The following QTRT2 variants were observed in gnomAD, a reference collection of about 807,000 sequenced individuals.
The protein encoded by QTRT2 is queuine tRNA-ribosyltransferase accessory subunit 2.
In QTRT2, 32 loss-of-function variants were observed where a neutral mutation model predicts 44.8. The observed-to-expected ratio is 0.71, with a 90% CI of 0.54 to 0.96. The LOEUF is 0.96. Among genes scored for constraint, QTRT2 ranks in the 40% least tolerant of loss-of-function variants. The pLI is 0.00. For synonymous variants in QTRT2, 182 were observed against 187.4 expected, an observed-to-expected ratio of 0.97 and a Z score of 0.24; for missense variants, 461 against 503.1, an observed-to-expected ratio of 0.92 and a Z score of 0.80.
chr3:114,066,847 G>A (rs2076960458), intron 4 of QTRT2, among the ~76,000 whole-genome samples: 1 of 152,204 alleles, frequency 6.6e-6, no homozygotes, highest in South Asian at 2.1e-4. Flanking sequence ...GTCTCATCAT[G>A]CTTGAACCTC....
intron 8 of QTRT2, among the ~76,000 whole-genome samples, chr3:114,080,693 C>G (rs780047462): frequency 2.0e-5 from 3 of 152,234 alleles, no homozygotes; most frequent in Non-Finnish European, 4.4e-5. Flanking sequence ...AGGAGAGTGT[C>G]GCCTGCCCAG....
intron 9 of QTRT2, among the ~76,000 whole-genome samples, chr3:114,084,885 T>G (rs939236431): frequency 7.2e-4 from 110 of 152,168 alleles, no homozygotes; most frequent in Non-Finnish European, 1.6e-4. Context: ...TCTCCAAGAA[T>G]GAATGTGAAG....
intron 9 of QTRT2, chr3:114,083,025 C>CG: frequency 2.0e-6 from 1 of 491,500 alleles, no homozygotes; most frequent in Non-Finnish European, 3.8e-6. Flanking sequence ...TTTAGAAAAG[C>CG]TGACAGAAAG....
In QTRT2 at chr3:114,076,881, C is replaced by T. The variant is rs769610398; in HGVS notation, c.685C>T (p.Leu229=). ...LDGFQGNPTT[L]EARLRLLSSV... ...TGGTTTTCAAGGAAATCCAACAACC[C>T]TGGAGGCTAGACTACGCTTGCTGTC... Residue 229 remains leucine, a synonymous_variant, in exon 7 of 10, where the codon CTG becomes TTG. Transcript: ENST00000281273. 1.3e-5 allele frequency: 21 copies of T among 1,614,084 alleles called. 1 individual carries two copies. Among genetic ancestry groups the T allele is most frequent in the South Asian group, 6.6e-5 (6 of 91,094 alleles).
intron 2 of QTRT2, among the ~76,000 whole-genome samples, chr3:114,064,538 T>G (rs549987890): frequency 1.3e-5 from 2 of 152,356 alleles, no homozygotes; most frequent in Admixed American, 1.3e-4. Flanking sequence ...CTATAGAAGT[T>G]AGAAAGTGTA....
At position 114,086,042 on chromosome 3, in the gene QTRT2, T is replaced by A; in HGVS notation, c.*138T>A. ...GGTCTGCTTAAATAAAGAATCTTTG[T>A]ACCAAACTGCCCACATGAGGGTGAA... On this transcript the variant is annotated 3_prime_UTR_variant, in exon 10 of 10. Coordinates refer to ENST00000281273, the MANE Select transcript of QTRT2 (RefSeq NM_024638.4). The A allele has an allele frequency of 1.4e-6, 1 of 705,352 alleles. No individual in the cohort carries two copies. The highest frequency in any genetic ancestry group is 2.4e-6 in the Non-Finnish European group (1 of 422,514). 43.7% of individuals were successfully genotyped at this position (705,352 alleles called of 1,614,324 possible).
rs754811791 is a variant in QTRT2, at chr3:114,070,754, A to G, written c.462A>G (p.Ala154=). Residue 154 remains alanine (A), a synonymous_variant, in exon 6 of 10, where the codon GCA becomes GCG. Coordinates refer to ENST00000281273, the MANE Select transcript of QTRT2 (RefSeq NM_024638.4). ...ATGGAGAAGTATCTTGTAAGGAAGCAACTTCCATAAAAAGGGTCAGAAAGT... is the reference window on the plus strand; with the variant it reads ...ATGGAGAAGTATCTTGTAAGGAAGCGACTTCCATAAAAAGGGTCAGAAAGT... ...LSDGEVSCKE[A]TSIKRVRKSV... is the part of the protein sequence containing the mutation. 1 of 1,613,916 alleles carries G rather than the reference A, an allele frequency of 6.2e-7. No homozygotes were observed. The highest frequency in any genetic ancestry group is 2.2e-5 in the East Asian group (1 of 44,870).
At chr3:114,058,112 C>A (rs6438181) in intron 2 of QTRT2, among the ~76,000 whole-genome samples, 77,152 of 152,000 alleles carry the variant, frequency 0.51, 19,703 homozygotes, top group Middle Eastern at 0.6. Context: ...TGCATTTGAT[C>A]TGAGGATTAA....
intron 2 of QTRT2, 64 bp from the exon 3 acceptor site, chr3:114,065,173 G>A: frequency 1.1e-6 from 1 of 922,628 alleles, no homozygotes; most frequent in Non-Finnish European, 1.6e-6. Context: ...TTTTTTTTTT[G>A]CAAAATGCTT....
Position 114,065,397 on chromosome 3 carries a change from A to G in QTRT2, c.140A>G (p.His47Arg), listed in dbSNP as rs1293078619. Residue 47 changes from histidine (H) to arginine (R), a missense_variant, in exon 3 of 10, where the codon CAT becomes CGT. His to Arg is a conservative substitution (Grantham distance 29, BLOSUM62 0). Coordinates refer to ENST00000281273, the MANE Select transcript of QTRT2 (RefSeq NM_024638.4). ...TKTGSAPHLT[H>R]HTLHNIHGVP... ...ACTGGCTCCGCCCCACACCTCACCC[A>G]TCACACGCTGCATAATATCCACGGG... 5.0e-6 allele frequency: 8 copies of G among 1,614,126 alleles called. No individual in the cohort carries two copies. Among genetic ancestry groups the G allele is most frequent in the African/African-American group, 2.7e-5 (2 of 75,044 alleles).
chr3:114,077,138 A>C (rs1293166593), intron 7 of QTRT2, 196 bp downstream of exon 7: 2 of 590,162 alleles, frequency 3.4e-6, no homozygotes, highest in Admixed American at 3.0e-5. Flanking sequence ...CCTTGATTTC[A>C]GAATGTAGAG....
chr3:114,062,006 T>G (rs1188894985), intron 2 of QTRT2, among the ~76,000 whole-genome samples: 1 of 126,420 alleles, frequency 7.9e-6, no homozygotes, highest in Non-Finnish European at 1.7e-5. Context: ...TGCTGCAGGA[T>G]ATTCTAAAAA....
chr3:114,081,926 C>T (rs138133690), intron 8 of QTRT2, among the ~76,000 whole-genome samples: 21 of 152,292 alleles, frequency 1.4e-4, no homozygotes, highest in African/African-American at 5.1e-4. Context: ...CAAAATACCC[C>T]TTAACTACTT....
At chr3:114,066,048 G>A (rs764151042) in intron 3 of QTRT2, among the ~76,000 whole-genome samples, 180 bp from the exon 4 acceptor site, 31 of 152,278 alleles carry the variant, frequency 2.0e-4, no homozygotes, top group Admixed American at 1.6e-3. Flanking sequence ...CAAGTTGAAG[G>A]CCTTCGTTCT....
chr3:114,057,633 C>T (rs1159737504), intron 2 of QTRT2: 1 of 152,070 alleles, frequency 6.6e-6, no homozygotes, highest in Admixed American at 6.6e-5. Context: ...TGCAGTACCA[C>T]GAAGTAGTTT....
In QTRT2 at chr3:114,065,264, C is replaced by T. The variant is rs1401891372; in HGVS notation, c.7C>T (p.Leu3=). The change falls in exon 3 of 10, where the codon CTG becomes TTG. Residue 3 remains leucine, a synonymous_variant. Transcript: ENST00000281273. The part of the protein sequence containing the change: MK[L]SLTKVVNGCR... ...CCTAGAAGAATCCCTTAGGATGAAG[C>T]TGAGTCTTACCAAGGTAGTTAATGG... is the stretch of plus-strand genomic sequence containing the variant. 1.2e-6 allele frequency: 2 copies of T among 1,613,850 alleles called. No individual in the cohort carries two copies. The highest frequency in any genetic ancestry group is 3.3e-5 in the Admixed American group (2 of 59,992).
rs148283346 is a variant in QTRT2 at position 114,082,588 on chromosome 3, A to G, written c.899-89A>G. ...CAGGAGTGAAATTACAGAGTCAAAG[A>G]TCATGAAATAATAACTAAAATAAAA... On this transcript the variant is annotated intron_variant, in intron 8 of 9. Transcript: ENST00000281273. The G allele has an allele frequency of 7.1e-4, 399 of 559,040 alleles. 4 individuals carry two copies. In the East Asian group the frequency reaches 0.011, roughly 16 times the overall value. The allele number at this position is 559,040 out of a possible 1,614,324, so 34.6% of individuals were successfully genotyped here.
At chr3:114,069,461 A>G (rs544638694) in intron 5 of QTRT2, among the ~76,000 whole-genome samples, 1 of 152,100 alleles carries the variant, frequency 6.6e-6, no homozygotes, top group East Asian at 1.9e-4. Context: ...TGTTCTCATC[A>G]TTTAGCCCCC....
chr3:114,079,948 TATTGAAAG>T lies in QTRT2; in HGVS notation c.791_798del (p.Ile264ArgfsTer6). On this transcript the variant is annotated frameshift_variant, in exon 8 of 10. Transcript: ENST00000281273. LOFTEE classifies it high-confidence loss of function. ...GTCGGCCAGATGAGGTGCTCGAGTG[TATTGAAAG>T]AGGAGTGGACTTATTTGAGAGTTTT... The T allele has an allele frequency of 6.2e-7, 1 of 1,613,986 alleles. No individual in the cohort carries two copies. The highest frequency in any genetic ancestry group is 8.5e-7 in the Non-Finnish European group (1 of 1,179,880).
Sources: allele counts gnomAD v4.1 joint callset (sites outside exome capture counted in the v4.1 genomes callset), GRCh38; gene constraint gnomAD v4.1.1; transcripts MANE v1.5; gene names NCBI Gene and HGNC (gene_info 2026-07-23, HGNC 2026-07-21).